The following MYOF variants were observed in gnomAD, a reference collection of about 807,000 sequenced individuals.
The protein encoded by MYOF is fer-1-like 3, myoferlin.
Under a neutral mutation model 284.2 loss-of-function variants are expected in MYOF, and 244 were observed. The ratio of observed to expected loss-of-function variants is 0.86; its 90% CI spans 0.77 to 0.95. The LOEUF (loss-of-function observed/expected upper bound fraction) is 0.95. Among genes scored for constraint, MYOF ranks in the 40% least tolerant of loss-of-function variants. The pLI is 0.00. For missense variants in MYOF, 2,496 were observed against 2,560.6 expected (o/e 0.97, Z 0.54); for synonymous variants, 904 against 919.7 (o/e 0.98, Z 0.31).
At chr10:93,324,935 G>T (rs1011604745) in intron 46 of MYOF, among the ~76,000 whole-genome samples, 1 of 151,714 alleles carries the variant, frequency 6.6e-6, no homozygotes, top group East Asian at 1.9e-4. Context: ...ACCCACCACC[G>T]CGCCCAGCTA....
intron 4 of MYOF, among the ~76,000 whole-genome samples, chr10:93,427,298 C>A (rs1848637236): frequency 6.6e-6 from 1 of 151,486 alleles, no homozygotes; most frequent in Non-Finnish European, 1.5e-5. Flanking sequence ...ACTGGGAGGC[C>A]AAGGTGGGTG....
chr10:93,388,402 G>A (rs1019759815), intron 18 of MYOF, among the ~76,000 whole-genome samples: 1 of 152,234 alleles, frequency 6.6e-6, no homozygotes, highest in African/African-American at 2.4e-5. Context: ...AGATGTAGGA[G>A]GAAGAAGTTC....
At chr10:93,399,554 T>A (rs1847178167) in intron 12 of MYOF, 59 bp from the exon 13 acceptor site, 14 of 1,254,432 alleles carry the variant, frequency 1.1e-5, no homozygotes, top group Non-Finnish European at 1.6e-5. Flanking sequence ...TTTGGCAAAA[T>A]TTTAAAAGTT....
In MYOF at chr10:93,431,428, C is replaced by A; in HGVS notation, c.325G>T (p.Glu109Ter). 1 of 1,613,912 alleles carries A rather than the reference C, an allele frequency of 6.2e-7. No individual in the cohort carries two copies. The highest frequency in any genetic ancestry group is 1.1e-5 in the South Asian group (1 of 91,072). Residue 109 changes from glutamate (E) to a stop codon, truncating the protein, a stop_gained, in exon 4 of 54, where the codon GAA becomes TAA. Transcript: ENST00000359263. LOFTEE classifies it high-confidence loss of function. ...LPYKLISLLN[E>*]KGQDTGATID... ...CTCACCCCAGTATCTTGCCCTTTTT[C>A]ATTTAGCAGGGAGATCAGCTTGTAC...
At chr10:93,325,109 C>A (rs1236086982) in intron 46 of MYOF, among the ~76,000 whole-genome samples, 1 of 152,134 alleles carries the variant, frequency 6.6e-6, no homozygotes, top group Non-Finnish European at 1.5e-5. Context: ...GTGATCAGAA[C>A]CTCTTCAGGT....
chr10:93,480,921 C>T (rs2057372730), intron 1 of MYOF, among the ~76,000 whole-genome samples: 1 of 152,128 alleles, frequency 6.6e-6, no homozygotes, highest in Non-Finnish European at 1.5e-5. Flanking sequence ...CAGTCAGGCT[C>T]CTGGAAGAAA....
chr10:93,307,270 C>T (rs1842149676), intron 53 of MYOF, among the ~76,000 whole-genome samples: 1 of 152,034 alleles, frequency 6.6e-6, no homozygotes, highest in African/African-American at 2.4e-5. Flanking sequence ...AAAATCTCCC[C>T]TAATTGGGAA....
chr10:93,310,036 A>G lies in MYOF; in HGVS notation c.6131T>C (p.Leu2044Pro). Residue 2044 changes from leucine (L) to proline (P), a missense_variant, in exon 53 of 54, where the codon CTC (leucine) becomes CCC (proline). Around this residue, in one of 3 missense-constraint regions of MYOF, gnomAD observed 2,436 missense variants for 2,480.7 expected, o/e 0.98. Transcript: ENST00000359263. ...LLILLLFVAV[L>P]LYSLPNYLSM... ...GGCTCCTACCGGCAAAGAGTAGAGG[A>G]GCACGGCCACGAAGAGCAGCAGGAT... 6.2e-7 allele frequency: 1 copy of G among 1,614,126 alleles called. No homozygotes were observed. The highest frequency in any genetic ancestry group is 8.5e-7 in the Non-Finnish European group (1 of 1,180,022).
In MYOF at chr10:93,382,324, G is replaced by A. The variant is rs528053459; in HGVS notation, c.1699-928C>T. Among the ~76,000 whole-genome samples, 317 of 151,684 alleles carry A rather than the reference G, an allele frequency of 2.1e-3. 1 individual carries two copies. The highest frequency in any genetic ancestry group is 7.0e-3 in the African/African-American group (290 of 41,322). On this transcript the variant is annotated intron_variant, in intron 19 of 53. Transcript: ENST00000359263. ...CATGATCACGGCTTACTACAGCTTC[G>A]ACTTCTTGGGCACAAGTGACCCTCT...
chr10:93,325,688 A>G lies in MYOF; in HGVS notation c.5271+138T>C, dbSNP rs545887433. On this transcript the variant is annotated intron_variant, in intron 46 of 53. Coordinates refer to ENST00000359263, the MANE Select transcript of MYOF (RefSeq NM_013451.4). Reference sequence around the variant, plus strand: ...TCTTACAAAAAAATTCCCTTTTGATATGACGCTAATTTGAGTCTCATTTCT... The same window carrying G: ...TCTTACAAAAAAATTCCCTTTTGATGTGACGCTAATTTGAGTCTCATTTCT... 1.0e-5 allele frequency: 12 copies of G among 1,150,042 alleles called. No homozygotes were observed. The South Asian group carries it at 1.6e-4, about 15-fold the overall frequency. 71.2% of individuals were successfully genotyped at this position (1,150,042 alleles called of 1,614,324 possible).
At chr10:93,380,420 A>G (rs1846058923) in intron 20 of MYOF, among the ~76,000 whole-genome samples, 1 of 152,222 alleles carries the variant, frequency 6.6e-6, no homozygotes, top group Admixed American at 6.5e-5. Context: ...TTAGCTGGCT[A>G]CATAGGGTTT....
chr10:93,395,430 G>A (rs374707271), intron 16 of MYOF, among the ~76,000 whole-genome samples: 6 of 152,238 alleles, frequency 3.9e-5, no homozygotes, highest in East Asian at 3.9e-4. Context: ...GTGACAGAGC[G>A]AGACTCTATC....
intron 51 of MYOF, among the ~76,000 whole-genome samples, chr10:93,312,190 C>G (rs1842418914): frequency 6.6e-6 from 1 of 152,190 alleles, no homozygotes; most frequent in Admixed American, 6.5e-5. Context: ...TTTAATAATG[C>G]ATAATGAACT....
At chr10:93,380,502 C>A (rs1846062594) in intron 20 of MYOF, among the ~76,000 whole-genome samples, 1 of 152,144 alleles carries the variant, frequency 6.6e-6, no homozygotes, top group South Asian at 2.1e-4. Flanking sequence ...TTTAAAACTG[C>A]TTGTACAAAA....
rs1243626034 is a variant in MYOF, at chr10:93,306,918, T to G, written c.*45A>C. ...TGGATGTTGGTCTACAGAGGCAGGA[T>G]TCTCTCATTGCTGGATGACTCTTGA... On this transcript the variant is annotated 3_prime_UTR_variant, in exon 54 of 54. Transcript: ENST00000359263. The G allele has an allele frequency of 1.3e-5, 20 of 1,591,840 alleles. No individual in the cohort carries two copies. Among genetic ancestry groups the G allele is most frequent in the Non-Finnish European group, 1.6e-5 (18 of 1,160,524 alleles).
In MYOF at chr10:93,347,570, A is replaced by G. The variant is rs750655970; in HGVS notation, c.4249+47T>C. 18 of 1,461,220 alleles carry G rather than the reference A, an allele frequency of 1.2e-5. 1 individual carries two copies. The highest frequency in any genetic ancestry group is 1.2e-4 in the Admixed American group (5 of 40,730). 90.5% of individuals were successfully genotyped at this position (1,461,220 alleles called of 1,614,324 possible). On this transcript the variant is annotated intron_variant, in intron 37 of 53. Coordinates refer to ENST00000359263, the MANE Select transcript of MYOF (RefSeq NM_013451.4). ...CGAGACTCCGTCTCAAAAAAAAAAA[A>G]AAAAAAAAGAAAAGCCCCCAGACTT...
chr10:93,449,939 T>C (rs788104), intron 3 of MYOF, among the ~76,000 whole-genome samples: 118,810 of 152,040 alleles, frequency 0.78, 46,518 homozygotes, highest in African/African-American at 0.82. Context: ...CTCTCTTATT[T>C]TGATGCCGGT....
chr10:93,421,880 G>C (rs1362805893), intron 5 of MYOF, among the ~76,000 whole-genome samples: 4 of 151,786 alleles, frequency 2.6e-5, no homozygotes, highest in African/African-American at 9.7e-5. Context: ...ACTATGTTAG[G>C]GAAAAGAAAT....
chr10:93,348,683 AGCATGG>A (rs1418113046), intron 36 of MYOF, among the ~76,000 whole-genome samples: 1 of 151,374 alleles, frequency 6.6e-6, no homozygotes, highest in East Asian at 1.9e-4. Flanking sequence ...TAGGGAGGGG[AGCATGG>A]GCATTGGGGT....
Sources: gnomAD v4.1 joint callset for allele counts (sites outside exome capture counted in the v4.1 genomes callset) on GRCh38, gnomAD v4.1.1 for gene constraint, gnomAD v4.1.1 regional missense constraint, MANE v1.5 for transcripts, NCBI Gene and HGNC (gene_info 2026-07-23, HGNC 2026-07-21) for gene names.